The following CCSER1 variants were observed in gnomAD, a reference collection of about 807,000 sequenced individuals.
CCSER1 encodes coiled-coil serine rich protein 1.
CCSER1 carries 41 observed loss-of-function variants against 82.0 expected under a neutral mutation model. The observed-to-expected ratio is 0.50, with a 90% confidence interval of 0.39 to 0.65. The LOEUF is 0.65. Among genes scored for constraint, CCSER1 ranks in the 30% least tolerant of loss-of-function variants. The pLI is 0.00. For missense variants in CCSER1, 1,119 were observed against 1,064.2 expected (o/e 1.05, Z -0.72); for synonymous variants, 414 against 383.9 (o/e 1.08, Z -0.92).
intron 9 of CCSER1, among the ~76,000 whole-genome samples, chr4:90,966,192 T>C (rs1025204784): frequency 6.6e-6 from 1 of 152,048 alleles, no homozygotes; most frequent in Non-Finnish European, 1.5e-5. Context: ...AGAAAGACTA[T>C]TTGAAGATAT....
At chr4:90,852,772 C>T (rs541225352) in intron 8 of CCSER1, among the ~76,000 whole-genome samples, 13 of 152,234 alleles carry the variant, frequency 8.5e-5, no homozygotes, top group Middle Eastern at 3.4e-3. Flanking sequence ...TTGTTACAAG[C>T]AAATAATTAA....
intron 10 of CCSER1, among the ~76,000 whole-genome samples, chr4:91,352,321 G>A (rs114010693): frequency 0.01 from 1,545 of 152,154 alleles, 19 homozygotes; most frequent in African/African-American, 0.032. Flanking sequence ...ATCTCCGCTC[G>A]CTACAACCTC....
At chr4:90,559,423 G>A (rs1393296161) in intron 5 of CCSER1, among the ~76,000 whole-genome samples, 2 of 152,102 alleles carry the variant, frequency 1.3e-5, no homozygotes, top group Non-Finnish European at 2.9e-5. Flanking sequence ...GGAGCTCTAG[G>A]ACAACCCAAG....
At chr4:91,157,261 C>G (rs754906613) in intron 10 of CCSER1, among the ~76,000 whole-genome samples, 1 of 151,854 alleles carries the variant, frequency 6.6e-6, no homozygotes, top group Non-Finnish European at 1.5e-5. Flanking sequence ...AACTTAAATA[C>G]TAATAGTCAT....
chr4:91,372,153 C>T (rs2149325708), intron 10 of CCSER1, among the ~76,000 whole-genome samples: 2 of 152,208 alleles, frequency 1.3e-5, no homozygotes, highest in Middle Eastern at 6.8e-3. Flanking sequence ...AAAGTGTAAT[C>T]ATGCCTCTTT....
chr4:91,081,874 T>G (rs1234260704), intron 9 of CCSER1, among the ~76,000 whole-genome samples: 2 of 152,098 alleles, frequency 1.3e-5, no homozygotes, highest in African/African-American at 4.8e-5. Context: ...AAGAACCTCT[T>G]CAAGGAGAAC....
At chr4:90,828,869 C>G (rs752630445) in intron 8 of CCSER1, among the ~76,000 whole-genome samples, 4 of 151,882 alleles carry the variant, frequency 2.6e-5, no homozygotes, top group Non-Finnish European at 5.9e-5. Context: ...GAGAATAAAG[C>G]AAGACAATGT....
At chr4:91,490,343 A>G (rs75068800) in intron 10 of CCSER1, among the ~76,000 whole-genome samples, 25 of 152,298 alleles carry the variant, frequency 1.6e-4, no homozygotes, top group African/African-American at 6.0e-4. Context: ...AGCAGCTGAA[A>G]TGTTCATCAA....
intron 10 of CCSER1, among the ~76,000 whole-genome samples, chr4:91,326,768 G>A (rs184249716): frequency 6.6e-6 from 1 of 152,218 alleles, no homozygotes; most frequent in Non-Finnish European, 1.5e-5. Flanking sequence ...TACAATGGGG[G>A]TACTGGCATT....
At chr4:90,381,991 A>G (rs1749278714) in intron 3 of CCSER1, among the ~76,000 whole-genome samples, 1 of 152,132 alleles carries the variant, frequency 6.6e-6, no homozygotes. Context: ...TCATCCATTT[A>G]GAATTTTTTA....
intron 9 of CCSER1, among the ~76,000 whole-genome samples, chr4:91,001,816 CT>C (rs1007708322): frequency 6.6e-6 from 1 of 152,010 alleles, no homozygotes; most frequent in African/African-American, 2.4e-5. Context: ...GCCTGTATAC[CT>C]TTTTTTCTTT....
At chr4:91,256,826 AC>A (rs1740726778) in intron 10 of CCSER1, among the ~76,000 whole-genome samples, 1 of 152,226 alleles carries the variant, frequency 6.6e-6, no homozygotes, top group African/African-American at 2.4e-5. Context: ...AAATAAACCT[AC>A]AAGGCAATAT....
At chr4:91,251,219 G>A (rs1335895271) in intron 10 of CCSER1, among the ~76,000 whole-genome samples, 1 of 152,136 alleles carries the variant, frequency 6.6e-6, no homozygotes, top group African/African-American at 2.4e-5. Context: ...CAGGGTGCCA[G>A]CATGGTTGGG....
chr4:91,220,462 C>T (rs983955211), intron 10 of CCSER1, among the ~76,000 whole-genome samples: 6 of 152,154 alleles, frequency 3.9e-5, no homozygotes, highest in African/African-American at 1.4e-4. Flanking sequence ...TTTAAATACA[C>T]TGTTTGCTAA....
intron 10 of CCSER1, among the ~76,000 whole-genome samples, chr4:91,107,364 C>T (rs915579602): frequency 6.6e-6 from 1 of 152,196 alleles, no homozygotes; most frequent in Non-Finnish European, 1.5e-5. Flanking sequence ...AAGTGATTCT[C>T]CTGCCTCAGC....
intron 10 of CCSER1, among the ~76,000 whole-genome samples, chr4:91,335,185 G>A (rs1256493755): frequency 6.6e-6 from 1 of 151,982 alleles, no homozygotes; most frequent in Non-Finnish European, 1.5e-5. Flanking sequence ...TCTCAAGTAA[G>A]GGAGGAAAAG....
At chr4:90,666,171 A>T (rs1260558969) in intron 6 of CCSER1, among the ~76,000 whole-genome samples, 2 of 152,168 alleles carry the variant, frequency 1.3e-5, no homozygotes, top group East Asian at 1.9e-4. Context: ...TAGATGCAAA[A>T]AAAACTTTGC....
chr4:90,167,385 A>G (rs895773285), intron 1 of CCSER1, among the ~76,000 whole-genome samples: 3 of 152,182 alleles, frequency 2.0e-5, no homozygotes, highest in African/African-American at 4.8e-5. Context: ...CATTCTATCC[A>G]TGGCTAAAGA....
chr4:90,912,780 G>A (rs1228164826), intron 8 of CCSER1, among the ~76,000 whole-genome samples: 1 of 152,340 alleles, frequency 6.6e-6, no homozygotes, highest in East Asian at 1.9e-4. Context: ...AACCAGTGTA[G>A]AGAAGTCCTT....
Sources: gnomAD v4.1 joint callset for allele counts (sites outside exome capture counted in the v4.1 genomes callset) on GRCh38, gnomAD v4.1.1 for gene constraint, MANE v1.5 for transcripts, NCBI Gene and HGNC (gene_info 2026-07-23, HGNC 2026-07-21) for gene names.